ZBED6: variants seen among roughly 807,000 people sequenced by gnomAD.
The protein encoded by ZBED6 is zinc finger BED domain-containing protein 6.
ZBED6 carries 40 observed loss-of-function variants against 58.4 expected under a neutral mutation model. The observed-to-expected ratio is 0.68, with a 90% CI of 0.53 to 0.89. The LOEUF is 0.89. Among genes scored for constraint, ZBED6 ranks in the 40% least tolerant of loss-of-function variants. The pLI is 0.00. For synonymous variants in ZBED6, 439 were observed against 350.6 expected, an observed-to-expected ratio of 1.25 and a Z score of -2.82; for missense variants, 1,057 against 1,003.9, an observed-to-expected ratio of 1.05 and a Z score of -0.71.
chr1:203,849,753 G>A (rs764097968), exon 14 of ZBED6: 2 of 1,613,958 alleles, frequency 1.2e-6, no homozygotes, highest in Admixed American at 1.7e-5. Flanking sequence ...TAAAATTCAA[G>A]TCAAGAGATG....
exon 1 of ZBED6, chr1:203,797,479 A>G: frequency 6.9e-7 from 1 of 1,444,970 alleles, no homozygotes; most frequent in Non-Finnish European, 9.0e-7. Flanking sequence ...TGAGTAATAA[A>G]CCCACTAACA....
intron 2 of ZBED6, 57 bp downstream of exon 2, chr1:203,817,181 T>C: frequency 7.0e-7 from 1 of 1,432,068 alleles, no homozygotes; most frequent in Non-Finnish European, 9.5e-7. Context: ...TAGAATTGGA[T>C]AAGATTTTCC....
Position 203,798,187 on chromosome 1 carries a change from CATTAGATG to C in ZBED6, c.668_675del (p.Leu223Ter). On this transcript the variant is annotated frameshift_variant, in exon 1 of 17. Coordinates refer to ENST00000550078, the Ensembl canonical transcript of ZBED6. LOFTEE classifies it high-confidence loss of function. ...AGCTTTGAATATATTCCTACTGATC[CATTAGATG>C]ATAATAGAATGGGCAAGAAGCATGA... 2.6e-6 allele frequency: 4 copies of C among 1,536,126 alleles called. No individual in the cohort carries two copies. Among genetic ancestry groups the C allele is most frequent in the Non-Finnish European group, 3.5e-6 (4 of 1,146,912 alleles).
chr1:203,815,489 G>A (rs1404282496), intron 1 of ZBED6, among the ~76,000 whole-genome samples: 2 of 151,604 alleles, frequency 1.3e-5, no homozygotes, highest in Non-Finnish European at 2.9e-5. Context: ...AGAGTGCTGG[G>A]ATTATAGGTA....
At chr1:203,810,025 TA>T (rs1673815166) in intron 1 of ZBED6, among the ~76,000 whole-genome samples, 2 of 152,208 alleles carry the variant, frequency 1.3e-5, no homozygotes, top group Non-Finnish European at 2.9e-5. Context: ...TTTTTCCTTT[TA>T]AACTTAAGAA....
chr1:203,852,686 G>GA (rs1180642261), exon 17 of ZBED6: 1 of 430,356 alleles, frequency 2.3e-6, no homozygotes, highest in African/African-American at 2.0e-5. Context: ...GAGATCAAGT[G>GA]AAAGGGTGCA....
intron 13 of ZBED6, among the ~76,000 whole-genome samples, 164 bp from the exon 14 acceptor site, chr1:203,849,547 C>T (rs753205562): frequency 1.8e-4 from 27 of 152,150 alleles, no homozygotes; most frequent in Non-Finnish European, 3.7e-4. Context: ...TCTAATCTTT[C>T]ATCTTTAACA....
At chr1:203,802,343 T>C (rs1166493967) in exon 1 of ZBED6, 3 of 152,614 alleles carry the variant, frequency 2.0e-5, no homozygotes, top group Admixed American at 2.0e-4. Flanking sequence ...TCTTTATTTT[T>C]ATAATGAACC....
At chr1:203,798,759 G>A in exon 1 of ZBED6, 1 of 1,536,090 alleles carries the variant, frequency 6.5e-7, no homozygotes, top group Non-Finnish European at 8.7e-7. Context: ...CATAAGTCAG[G>A]CAATTATCCA....
chr1:203,850,222 A>G lies in ZBED6; in HGVS notation c.*4638+196A>G, dbSNP rs915468609. 4.5e-6 allele frequency: 3 copies of G among 671,176 alleles called. No individual in the cohort carries two copies. In the African/African-American group the frequency reaches 5.5e-5, roughly 12 times the overall value. 41.6% of individuals were successfully genotyped at this position (671,176 alleles called of 1,614,324 possible). ...TCTTTTCTCAGAATTTAAAATTGCT[A>G]TTTAAAAAGCTTTGTGTAAAACTTT... On this transcript the variant is annotated intron_variant, in intron 14 of 16. Transcript: ENST00000550078.
intron 1 of ZBED6, chr1:203,805,630 G>T (rs1423098354): frequency 4.4e-6 from 3 of 689,522 alleles, no homozygotes; most frequent in Middle Eastern, 4.6e-4. Context: ...ATGAAGCAGG[G>T]ATCTGTGGCA....
intron 3 of ZBED6, among the ~76,000 whole-genome samples, chr1:203,822,622 A>G (rs1293612951): frequency 6.6e-6 from 1 of 151,992 alleles, no homozygotes; most frequent in Non-Finnish European, 1.5e-5. Flanking sequence ...CTGACCCTAC[A>G]TGAGTATATA....
At chr1:203,807,524 T>G (rs371490160) in intron 1 of ZBED6, among the ~76,000 whole-genome samples, 4 of 150,758 alleles carry the variant, frequency 2.7e-5, no homozygotes. Flanking sequence ...GTCTTACTGT[T>G]TTTTTTTTGT....
chr1:203,838,408 A>G (rs189511565), intron 10 of ZBED6, among the ~76,000 whole-genome samples: 1 of 152,260 alleles, frequency 6.6e-6, no homozygotes, highest in Non-Finnish European at 1.5e-5. Context: ...TCACAGAAGA[A>G]GTTATGTTAA....
intron 1 of ZBED6, among the ~76,000 whole-genome samples, chr1:203,803,551 A>G (rs1671176270): frequency 6.6e-6 from 1 of 152,212 alleles, no homozygotes; most frequent in Non-Finnish European, 1.5e-5. Flanking sequence ...TAAAAACAGC[A>G]TAGCCAAAGT....
chr1:203,827,970 A>G (rs926348259), intron 3 of ZBED6, among the ~76,000 whole-genome samples: 16 of 152,250 alleles, frequency 1.1e-4, no homozygotes, highest in African/African-American at 3.4e-4. Flanking sequence ...AATAAGTAAC[A>G]TAATAGAGAT....
exon 1 of ZBED6, chr1:203,796,579 T>A: frequency 2.5e-6 from 1 of 397,880 alleles, no homozygotes; most frequent in East Asian, 3.6e-5. Context: ...GCTGTGGAAC[T>A]AGAGATAGCG....
chr1:203,806,111 CT>C (rs1417796740), intron 1 of ZBED6: 1 of 499,082 alleles, frequency 2.0e-6, no homozygotes, highest in Non-Finnish European at 4.0e-6. Flanking sequence ...GTAGGACCCC[CT>C]CTCATCTTGA....
intron 1 of ZBED6, among the ~76,000 whole-genome samples, chr1:203,804,148 A>G (rs1489383022): frequency 2.3e-5 from 3 of 131,100 alleles, no homozygotes; most frequent in South Asian, 2.4e-4. Flanking sequence ...CTTCCTGTAT[A>G]TGTGTTTTTT....
Sources: gnomAD v4.1 joint callset for allele counts (sites outside exome capture counted in the v4.1 genomes callset) on GRCh38, gnomAD v4.1.1 for gene constraint, MANE v1.5 for transcripts, NCBI Gene and HGNC (gene_info 2026-07-23, HGNC 2026-07-21) for gene names.